Variants in NLGN1 observed in about 807,000 individuals in gnomAD.
NLGN1 encodes neuroligin-1.
In NLGN1, 12 loss-of-function variants were observed where a neutral mutation model predicts 65.5. The ratio of observed to expected loss-of-function variants is 0.18; its 90% CI spans 0.12 to 0.30. The LOEUF (loss-of-function observed/expected upper bound fraction) is 0.30. Among genes scored for constraint, NLGN1 ranks in the 10% least tolerant of loss-of-function variants. The probability of loss-of-function intolerance (pLI) is 1.00; values close to 1 mark genes in which losing one functional copy is unlikely to be tolerated. For missense variants in NLGN1, 750 were observed against 1,007.1 expected (o/e 0.74, Z 3.46); for synonymous variants, 350 against 359.5 (o/e 0.97, Z 0.30).
chr3:173,719,537 G>C (rs55756412), intron 3 of NLGN1, among the ~76,000 whole-genome samples: 88,418 of 151,944 alleles, frequency 0.58, 26,368 homozygotes, highest in East Asian at 0.78. Context: ...CACAATTAGA[G>C]CCTACTGGGA....
intron 4 of NLGN1, among the ~76,000 whole-genome samples, chr3:174,078,183 A>T (rs887984820): frequency 6.6e-6 from 1 of 152,166 alleles, no homozygotes. Flanking sequence ...AACAGGTAAG[A>T]TAGATTATTT....
At chr3:173,839,331 T>G (rs1724302350) in intron 4 of NLGN1, among the ~76,000 whole-genome samples, 2 of 152,144 alleles carry the variant, frequency 1.3e-5, no homozygotes, top group Admixed American at 1.3e-4. Context: ...ACAATGAGTT[T>G]TCACACAGTC....
intron 4 of NLGN1, among the ~76,000 whole-genome samples, chr3:174,235,084 A>G (rs1199720799): frequency 6.8e-6 from 1 of 146,696 alleles, no homozygotes; most frequent in Non-Finnish European, 1.5e-5. Flanking sequence ...TCAAACCAAC[A>G]TGTGGAGCAT....
At chr3:173,499,374 G>A (rs1730607045) in intron 2 of NLGN1, among the ~76,000 whole-genome samples, 1 of 151,698 alleles carries the variant, frequency 6.6e-6, no homozygotes, top group African/African-American at 2.4e-5. Flanking sequence ...TAGATGTGTG[G>A]TATTATTTCT....
intron 4 of NLGN1, among the ~76,000 whole-genome samples, chr3:173,957,194 G>A (rs1201348979): frequency 1.3e-5 from 2 of 152,034 alleles, no homozygotes; most frequent in African/African-American, 4.8e-5. Flanking sequence ...AAAATCAAAT[G>A]TGTTTATTTG....
At chr3:173,890,674 C>A (rs747538982) in intron 4 of NLGN1, among the ~76,000 whole-genome samples, 7 of 152,120 alleles carry the variant, frequency 4.6e-5, no homozygotes, top group Non-Finnish European at 1.0e-4. Context: ...ACTCTTAAGG[C>A]TAAAACCTTT....
In NLGN1 at chr3:173,551,592, G is replaced by A. The variant is rs528461027; in HGVS notation, c.-320-52687G>A. Among the ~76,000 whole-genome samples, 14 of 152,238 alleles carry A rather than the reference G, an allele frequency of 9.2e-5. No individual in the cohort carries two copies. The East Asian group carries it at 1.2e-3, about 13-fold the overall frequency. ...TTTTTCTTTTACATGTACTCCGAAC[G>A]TACTATGATGGAATCCTTTAATTTT... On this transcript the variant is annotated intron_variant, in intron 2 of 6. Coordinates refer to ENST00000457714, the Ensembl canonical transcript of NLGN1.
chr3:173,428,143 T>C (rs562243310), intron 1 of NLGN1, among the ~76,000 whole-genome samples: 3 of 152,006 alleles, frequency 2.0e-5, no homozygotes, highest in African/African-American at 7.2e-5. Context: ...TTTTATGGTT[T>C]CCATTTGTAT....
intron 3 of NLGN1, among the ~76,000 whole-genome samples, chr3:173,732,142 C>T (rs2150061115): frequency 6.6e-6 from 1 of 152,146 alleles, no homozygotes; most frequent in South Asian, 2.1e-4. Context: ...CCCAGTAGGA[C>T]ATCTTAGCAT....
chr3:173,633,337 TG>T (rs1313998054), intron 3 of NLGN1, among the ~76,000 whole-genome samples: 1 of 152,174 alleles, frequency 6.6e-6, no homozygotes, highest in African/African-American at 2.4e-5. Context: ...TGTCCACACT[TG>T]GCCTTGATGC....
intron 2 of NLGN1, among the ~76,000 whole-genome samples, chr3:173,534,498 T>C (rs7610169): frequency 6.6e-6 from 1 of 152,198 alleles, no homozygotes; most frequent in Admixed American, 6.6e-5. Context: ...ACTTTGCTTA[T>C]GCCGGTTTCA....
At chr3:173,718,695 G>A (rs1023552909) in intron 3 of NLGN1, among the ~76,000 whole-genome samples, 2 of 152,126 alleles carry the variant, frequency 1.3e-5, no homozygotes, top group African/African-American at 4.8e-5. Context: ...CCTGAGTTAG[G>A]CCAATAGATG....
At chr3:173,635,937 C>A (rs532362303) in intron 3 of NLGN1, among the ~76,000 whole-genome samples, 59 of 152,020 alleles carry the variant, frequency 3.9e-4, no homozygotes, top group African/African-American at 1.4e-3. Context: ...AGATAGTGAT[C>A]AAGAACACTC....
At chr3:174,253,226 TA>T (rs1266556588) in intron 4 of NLGN1, among the ~76,000 whole-genome samples, 19 of 152,344 alleles carry the variant, frequency 1.2e-4, no homozygotes, top group African/African-American at 4.6e-4. Flanking sequence ...ATACTTTTTG[TA>T]AGTGGCATAA....
At chr3:173,743,607 A>T (rs1774961263) in intron 3 of NLGN1, among the ~76,000 whole-genome samples, 1 of 152,274 alleles carries the variant, frequency 6.6e-6, no homozygotes, top group Middle Eastern at 3.4e-3. Flanking sequence ...GCCTTTGAAA[A>T]TGGTATTGCT....
At chr3:173,744,869 T>A (rs1775142998) in intron 3 of NLGN1, among the ~76,000 whole-genome samples, 1 of 151,912 alleles carries the variant, frequency 6.6e-6, no homozygotes, top group African/African-American at 2.4e-5. Flanking sequence ...CTGGGATGGA[T>A]CTGATATATC....
At chr3:173,824,062 T>TA (rs1158545999) in intron 4 of NLGN1, among the ~76,000 whole-genome samples, 4 of 152,084 alleles carry the variant, frequency 2.6e-5, no homozygotes, top group Admixed American at 2.6e-4. Context: ...TAATGGCTGT[T>TA]ACAGCTGAAA....
intron 2 of NLGN1, among the ~76,000 whole-genome samples, chr3:173,530,409 G>A (rs1165016735): frequency 1.3e-5 from 2 of 152,164 alleles, no homozygotes; most frequent in African/African-American, 4.8e-5. Flanking sequence ...AAGAGAGAGG[G>A]TGTGGATGAA....
chr3:174,229,763 CTA>C (rs903956386), intron 4 of NLGN1, among the ~76,000 whole-genome samples: 2 of 152,168 alleles, frequency 1.3e-5, no homozygotes, highest in African/African-American at 4.8e-5. Flanking sequence ...GTAATTGCGA[CTA>C]TGTGATGTTG....
Sources: gnomAD v4.1 joint callset for allele counts (sites outside exome capture counted in the v4.1 genomes callset) on GRCh38, gnomAD v4.1.1 for gene constraint, MANE v1.5 for transcripts, NCBI Gene and HGNC (gene_info 2026-07-23, HGNC 2026-07-21) for gene names.